The following AIG1 variants were observed in gnomAD, a reference collection of about 807,000 sequenced individuals.
AIG1 encodes the protein androgen-induced gene 1 protein.
A neutral mutation model predicts 31.4 loss-of-function variants in AIG1; 23 were observed. The observed-to-expected ratio is 0.73, with a 90% confidence interval of 0.53 to 1.04. The LOEUF is 1.04. Among genes scored for constraint, AIG1 ranks in the 50% least tolerant of loss-of-function variants. AIG1 has a pLI of 0.00. For synonymous variants in AIG1, 100 were observed against 110.5 expected (o/e 0.90, Z 0.60); for missense variants, 274 against 295.0 (o/e 0.93, Z 0.52).
At chr6:143,078,868 G>T (rs2128466850) in intron 1 of AIG1, among the ~76,000 whole-genome samples, 2 of 152,334 alleles carry the variant, frequency 1.3e-5, no homozygotes, top group South Asian at 4.1e-4. Context: ...ATTCTGTGGA[G>T]AAATGTTGAT....
chr6:143,091,498 CTG>C (rs1779301372), intron 1 of AIG1, among the ~76,000 whole-genome samples: 1 of 152,148 alleles, frequency 6.6e-6, no homozygotes, highest in South Asian at 2.1e-4. Flanking sequence ...TGAATAATGA[CTG>C]TATTAATAAA....
chr6:143,073,306 A>G (rs1777459382), intron 1 of AIG1, among the ~76,000 whole-genome samples: 1 of 152,144 alleles, frequency 6.6e-6, no homozygotes, highest in Admixed American at 6.6e-5. Flanking sequence ...TATCTTGGCT[A>G]TTGTGAATGA....
intron 3 of AIG1, among the ~76,000 whole-genome samples, chr6:143,241,168 A>G (rs1291453571): frequency 1.3e-5 from 2 of 152,244 alleles, no homozygotes; most frequent in African/African-American, 4.8e-5. Flanking sequence ...GGCTCAAGGT[A>G]AATGTTAGTC....
At chr6:143,264,550 C>G (rs1196224803) in intron 3 of AIG1, among the ~76,000 whole-genome samples, 4 of 152,150 alleles carry the variant, frequency 2.6e-5, no homozygotes, top group African/African-American at 9.7e-5. Context: ...CAAGCCAGCA[C>G]AAGGTGGGGG....
rs1269061850 is a variant in AIG1, at chr6:143,165,250, A to G, written c.399+67A>G. On this transcript the variant is annotated intron_variant, in intron 3 of 5. Coordinates refer to ENST00000357847, the MANE Select transcript of AIG1 (RefSeq NM_016108.4). Reference sequence around the variant, plus strand: ...ATCTATTAAATAGCTATGATCTGCTATTTAGACCTTCCATAGAATTTGCCT... The same window carrying G: ...ATCTATTAAATAGCTATGATCTGCTGTTTAGACCTTCCATAGAATTTGCCT... The G allele has an allele frequency of 5.6e-6, 7 of 1,257,152 alleles. No individual in the cohort carries two copies. The South Asian group carries it at 6.4e-5, about 11-fold the overall frequency. 77.9% of individuals were successfully genotyped at this position (1,257,152 alleles called of 1,614,324 possible).
chr6:143,087,869 A>G (rs1034275140), intron 1 of AIG1, among the ~76,000 whole-genome samples: 5 of 152,246 alleles, frequency 3.3e-5, no homozygotes, highest in African/African-American at 1.2e-4. Flanking sequence ...AATGGCAATG[A>G]TCACTCAGGG....
At chr6:143,230,914 T>A (rs1243215665) in intron 3 of AIG1, among the ~76,000 whole-genome samples, 2 of 152,218 alleles carry the variant, frequency 1.3e-5, no homozygotes, top group Non-Finnish European at 1.5e-5. Context: ...TTGTTGCTCC[T>A]TAAATGTACA....
intron 1 of AIG1, among the ~76,000 whole-genome samples, chr6:143,067,405 C>T (rs1776809657): frequency 6.6e-6 from 1 of 151,820 alleles, no homozygotes; most frequent in South Asian, 2.1e-4. Flanking sequence ...TTTCAGAAAA[C>T]CAGAGAGAGA....
chr6:143,140,647 A>G (rs538344379), intron 2 of AIG1, among the ~76,000 whole-genome samples: 2 of 152,338 alleles, frequency 1.3e-5, no homozygotes, highest in South Asian at 4.1e-4. Flanking sequence ...GGAAGTGCCA[A>G]CCTGGACGGT....
intron 4 of AIG1, among the ~76,000 whole-genome samples, chr6:143,290,724 C>A (rs1444733046): frequency 6.6e-6 from 1 of 152,124 alleles, no homozygotes; most frequent in South Asian, 2.1e-4. Flanking sequence ...CTGACCATCA[C>A]CTGATGGTTG....
At chr6:143,159,627 C>G (rs1245698888) in intron 2 of AIG1, among the ~76,000 whole-genome samples, 1 of 152,126 alleles carries the variant, frequency 6.6e-6, no homozygotes, top group Non-Finnish European at 1.5e-5. Context: ...TCCTCTGGAA[C>G]AAAGGAGACT....
intron 3 of AIG1, among the ~76,000 whole-genome samples, chr6:143,248,677 C>T (rs1025622931): frequency 2.6e-5 from 4 of 152,286 alleles, no homozygotes; most frequent in East Asian, 3.9e-4. Context: ...CTATGAGTTC[C>T]GTTACCTGAA....
At chr6:143,102,484 A>G (rs1420517904) in intron 1 of AIG1, among the ~76,000 whole-genome samples, 1 of 147,350 alleles carries the variant, frequency 6.8e-6, no homozygotes, top group African/African-American at 2.5e-5. Flanking sequence ...AATATAATAT[A>G]TATAAAAATA....
At chr6:143,062,014 A>G (rs1400432916) in intron 1 of AIG1, among the ~76,000 whole-genome samples, 4 of 152,204 alleles carry the variant, frequency 2.6e-5, no homozygotes, top group African/African-American at 9.7e-5. Flanking sequence ...TGTAGAACCA[A>G]TTCCTGGGAC....
chr6:143,069,277 G>A (rs572190253), intron 1 of AIG1, among the ~76,000 whole-genome samples: 12 of 152,204 alleles, frequency 7.9e-5, no homozygotes, highest in South Asian at 6.2e-4. Flanking sequence ...TTGGCCTCCC[G>A]AAGTATTGGG....
chr6:143,150,798 C>T (rs1481427567), intron 2 of AIG1, among the ~76,000 whole-genome samples: 19 of 152,160 alleles, frequency 1.2e-4, no homozygotes, highest in Admixed American at 9.8e-4. Flanking sequence ...CACAGATCAG[C>T]GTCAAAGCAG....
At chr6:143,216,887 G>T (rs1338147042) in intron 3 of AIG1, among the ~76,000 whole-genome samples, 1 of 152,050 alleles carries the variant, frequency 6.6e-6, no homozygotes, top group Non-Finnish European at 1.5e-5. Context: ...AAGCTATTAG[G>T]GCACCATCAT....
intron 4 of AIG1, among the ~76,000 whole-genome samples, chr6:143,301,975 T>A (rs1464490866): frequency 6.6e-6 from 1 of 151,442 alleles, no homozygotes; most frequent in Non-Finnish European, 1.5e-5. Context: ...ACTAGTGTCC[T>A]TTTGATCTTA....
intron 3 of AIG1, among the ~76,000 whole-genome samples, chr6:143,171,642 C>G (rs1397547898): frequency 1.3e-5 from 2 of 149,378 alleles, no homozygotes; most frequent in Non-Finnish European, 3.0e-5. Context: ...TGTAAACATG[C>G]ATGTGCAAGT....
Sources: gnomAD v4.1 joint callset for allele counts (sites outside exome capture counted in the v4.1 genomes callset) on GRCh38, gnomAD v4.1.1 for gene constraint, MANE v1.5 for transcripts, NCBI Gene and HGNC (gene_info 2026-07-23, HGNC 2026-07-21) for gene names.